CUEDC1: variants seen among roughly 807,000 people sequenced by gnomAD.
The protein encoded by CUEDC1 is CUE domain-containing protein 1.
A neutral mutation model predicts 43.7 loss-of-function variants in CUEDC1; 30 were observed. That is an observed-to-expected ratio of 0.69 (90% CI 0.51 to 0.93). The LOEUF is 0.93. Ranked by LOEUF, CUEDC1 falls within the 40% of genes least tolerant of loss-of-function variation. The probability of loss-of-function intolerance (pLI) is 0.00; values close to 1 mark genes in which losing one functional copy is unlikely to be tolerated. For missense variants in CUEDC1, 486 were observed against 549.0 expected, an observed-to-expected ratio of 0.89 and a Z score of 1.15; for synonymous variants, 223 against 223.6, an observed-to-expected ratio of 1.00 and a Z score of 0.02.
chr17:57,926,044 CCAGGAGACCCTGGAA>C (rs1351422317), intron 1 of CUEDC1, among the ~76,000 whole-genome samples: 2 of 152,306 alleles, frequency 1.3e-5, no homozygotes, highest in African/African-American at 4.8e-5. Context: ...GGGCCCTGTG[CCAGGAGACCCTGGAA>C]CATGGGGATA....
At chr17:57,894,221 C>T (rs910634297) in intron 1 of CUEDC1, among the ~76,000 whole-genome samples, 7 of 152,178 alleles carry the variant, frequency 4.6e-5, no homozygotes, top group African/African-American at 1.4e-4. Flanking sequence ...GCAGAGCTGC[C>T]GGCAGGGGTG....
chr17:57,868,321 C>T (rs1376892136), intron 7 of CUEDC1, 78 bp from the exon 8 acceptor site: 5 of 1,335,530 alleles, frequency 3.7e-6, no homozygotes, highest in Non-Finnish European at 5.4e-6. Flanking sequence ...GTGGGAAAGG[C>T]CAGGGGAGGA....
At chr17:57,912,626 C>CAAAAA (rs370932921) in intron 1 of CUEDC1, 1 of 147,882 alleles carries the variant, frequency 6.8e-6, no homozygotes, top group Non-Finnish European at 1.5e-5. Flanking sequence ...ATAGTAAAGC[C>CAAAAA]AAAAAAAAAG....
chr17:57,867,462 C>A (rs778720988), intron 8 of CUEDC1, 47 bp from the exon 9 acceptor site: 48 of 1,498,420 alleles, frequency 3.2e-5, no homozygotes, highest in Middle Eastern at 3.4e-4. Context: ...GGGGACACTG[C>A]CCTAGTCCTC....
intron 1 of CUEDC1, among the ~76,000 whole-genome samples, chr17:57,946,456 GT>G (rs1355132869): frequency 6.6e-6 from 1 of 152,104 alleles, no homozygotes; most frequent in Admixed American, 6.6e-5. Context: ...GCCTCAAGCC[GT>G]CTCAGGAAAA....
chr17:57,900,225 C>T (rs1420489616), intron 1 of CUEDC1, among the ~76,000 whole-genome samples: 1 of 152,168 alleles, frequency 6.6e-6, no homozygotes, highest in Admixed American at 6.5e-5. Context: ...GCCTCAATCT[C>T]TACTTCTAGA....
At chr17:57,875,646 C>T (rs2074112421) in intron 3 of CUEDC1, among the ~76,000 whole-genome samples, 1 of 151,726 alleles carries the variant, frequency 6.6e-6, no homozygotes, top group Admixed American at 6.6e-5. Flanking sequence ...TGGAAGGGTC[C>T]CCGGGGTTTC....
intron 1 of CUEDC1, among the ~76,000 whole-genome samples, chr17:57,907,305 G>A (rs1297343487): frequency 6.6e-6 from 1 of 152,178 alleles, no homozygotes; most frequent in Non-Finnish European, 1.5e-5. Flanking sequence ...GCATGCATCA[G>A]GGAACCTTGG....
chr17:57,906,919 C>T (rs575682856), intron 1 of CUEDC1, among the ~76,000 whole-genome samples: 11 of 148,336 alleles, frequency 7.4e-5, no homozygotes, highest in East Asian at 3.9e-4. Context: ...TGTGATGAGC[C>T]GAGATCATGC....
intron 6 of CUEDC1, among the ~76,000 whole-genome samples, chr17:57,870,868 TA>T (rs1340137719): frequency 1.3e-5 from 2 of 152,062 alleles, no homozygotes; most frequent in African/African-American, 2.4e-5. Context: ...TTGGTAGAGA[TA>T]GGGGGGTCTC....
chr17:57,868,089 G>C (rs191882765), intron 8 of CUEDC1, 61 bp downstream of exon 8: 12 of 1,383,236 alleles, frequency 8.7e-6, no homozygotes, highest in Non-Finnish European at 9.3e-6. Context: ...GTCCAACAGG[G>C]GTCTTGCTCC....
intron 1 of CUEDC1, among the ~76,000 whole-genome samples, chr17:57,890,190 G>A (rs773853239): frequency 1.3e-5 from 2 of 152,110 alleles, no homozygotes; most frequent in Non-Finnish European, 2.9e-5. Context: ...TTCCTAAGAG[G>A]CAAAAAATGC....
chr17:57,870,569 A>G (rs542812073), intron 6 of CUEDC1, among the ~76,000 whole-genome samples: 2 of 151,914 alleles, frequency 1.3e-5, no homozygotes, highest in Non-Finnish European at 2.9e-5. Context: ...AGTTTGTTCT[A>G]CCTGTTTTCT....
At chr17:57,914,799 C>G (rs2074621026) in intron 1 of CUEDC1, among the ~76,000 whole-genome samples, 1 of 152,196 alleles carries the variant, frequency 6.6e-6, no homozygotes, top group Non-Finnish European at 1.5e-5. Context: ...AGGAGGCCCA[C>G]TAATCCTGGG....
chr17:57,940,088 A>G (rs1478885032), intron 1 of CUEDC1, among the ~76,000 whole-genome samples: 3 of 152,124 alleles, frequency 2.0e-5, no homozygotes, highest in Non-Finnish European at 2.9e-5. Context: ...TCCTCCCTGT[A>G]CAGATGAGGA....
chr17:57,899,408 A>G (rs2074447628), intron 1 of CUEDC1, among the ~76,000 whole-genome samples: 1 of 152,226 alleles, frequency 6.6e-6, no homozygotes, highest in African/African-American at 2.4e-5. Flanking sequence ...GCCCACACGT[A>G]TACTCTGGAG....
rs752112463 is a variant in CUEDC1 at position 57,885,267 on chromosome 17, C to T, written c.298G>A (p.Glu100Lys). 2 of 1,603,758 alleles carry T rather than the reference C, an allele frequency of 1.2e-6. No homozygotes were observed. Among genetic ancestry groups the T allele is most frequent in the East Asian group, 2.2e-5 (1 of 44,472 alleles). ...CTGTCCTCCGAGTCGGAGCTGTCCT[C>T]ATAGACGCCGCCGCTGCTGCCACCG... ...EGGGSSGGVYEDSSDSEDSIP... is the reference protein window; with the variant it reads ...EGGGSSGGVYKDSSDSEDSIP... Residue 100 changes from glutamate (E) to lysine (K), a missense_variant, in exon 2 of 11, where the codon GAG becomes AAG. By Grantham distance (56) the Glu-to-Lys change is moderately conservative. Coordinates refer to ENST00000577830, the MANE Select transcript of CUEDC1 (RefSeq NM_001271875.2).
At chr17:57,886,097 C>T (rs2074287667) in intron 1 of CUEDC1, among the ~76,000 whole-genome samples, 1 of 152,174 alleles carries the variant, frequency 6.6e-6, no homozygotes, top group African/African-American at 2.4e-5. Flanking sequence ...GGGATTCCTC[C>T]GACCCAGGTG....
intron 1 of CUEDC1, among the ~76,000 whole-genome samples, chr17:57,893,374 T>TGTGTGTGTGTGTGTGTGTG (rs397762963): frequency 2.6e-5 from 4 of 151,854 alleles, no homozygotes; most frequent in Non-Finnish European, 5.9e-5. Context: ...TGTGTGTGTG[T>TGTGTGTGTGTGTGTGTGTG]TTCAGGCAGC....
Sources: allele counts gnomAD v4.1 joint callset (sites outside exome capture counted in the v4.1 genomes callset), GRCh38; gene constraint gnomAD v4.1.1; transcripts MANE v1.5; gene names NCBI Gene and HGNC (gene_info 2026-07-23, HGNC 2026-07-21).